Variants in USH2A observed in about 807,000 individuals in gnomAD.
USH2A encodes the protein usherin, also known as Usher syndrome 2A (autosomal recessive, mild).
A neutral mutation model predicts 538.9 loss-of-function variants in USH2A; 443 were observed. That is an observed-to-expected ratio of 0.82 (90% CI 0.76 to 0.89). The LOEUF (loss-of-function observed/expected upper bound fraction) is 0.89. Among genes scored for constraint, USH2A ranks in the 40% least tolerant of loss-of-function variants. The pLI is 0.00. For synonymous variants in USH2A, 2,413 were observed against 2,273.5 expected, an observed-to-expected ratio of 1.06 and a Z score of -1.75; for missense variants, 6,633 against 6,324.8, an observed-to-expected ratio of 1.05 and a Z score of -1.65.
At chr1:215,693,571 T>G (rs1199769857) in intron 61 of USH2A, among the ~76,000 whole-genome samples, 1 of 152,184 alleles carries the variant, frequency 6.6e-6, no homozygotes. Context: ...CCCTGTTTCT[T>G]AAAAACAACT....
chr1:215,881,204 G>T (rs564563393), intron 41 of USH2A, among the ~76,000 whole-genome samples: 1 of 152,098 alleles, frequency 6.6e-6, no homozygotes. Flanking sequence ...GCAGCGGTGC[G>T]ATTTCAGCCC....
chr1:215,789,949 A>C (rs1661933103), intron 51 of USH2A, 110 bp downstream of exon 51: 1 of 1,001,724 alleles, frequency 1.0e-6, no homozygotes, highest in Admixed American at 2.1e-5. Flanking sequence ...GTGAAAATGA[A>C]TAATGCACAC....
At position 215,814,143 on chromosome 1, in the gene USH2A, T is replaced by C. The variant is rs140268814; in HGVS notation, c.9571-239A>G. ...TGCTTTGTGCTCTATTATAATACTA[T>C]ATAATATAATATGTATTTAATTATA... On this transcript the variant is annotated intron_variant, in intron 48 of 71. Transcript: ENST00000307340. Among the ~76,000 whole-genome samples, 1,306 of 147,910 alleles carry C rather than the reference T, an allele frequency of 8.8e-3. 18 individuals are homozygous for C. Among genetic ancestry groups the C allele is most frequent in the African/African-American group, 0.03 (1,243 of 40,868 alleles).
intron 21 of USH2A, among the ~76,000 whole-genome samples, chr1:216,164,315 TA>T (rs1183538264): frequency 6.6e-6 from 1 of 152,092 alleles, no homozygotes; most frequent in African/African-American, 2.4e-5. Flanking sequence ...TCTTATTTTT[TA>T]AAAGGAAAAA....
chr1:215,956,833 C>T (rs1667080154), intron 37 of USH2A, among the ~76,000 whole-genome samples: 1 of 152,144 alleles, frequency 6.6e-6, no homozygotes. Flanking sequence ...TGCTTAACTC[C>T]ATTCTTGTGG....
At chr1:216,333,092 G>C (rs1304152347) in intron 4 of USH2A, among the ~76,000 whole-genome samples, 3 of 151,876 alleles carry the variant, frequency 2.0e-5, no homozygotes, top group African/African-American at 7.3e-5. Flanking sequence ...AGTGTCCAAA[G>C]AACTAAAGCA....
intron 32 of USH2A, among the ~76,000 whole-genome samples, chr1:216,011,892 G>C (rs1668582393): frequency 6.7e-6 from 1 of 150,024 alleles, no homozygotes. Context: ...ACCCAAGACT[G>C]TATCTCTCTG....
chr1:216,356,899 C>T (rs1571735983), intron 4 of USH2A, among the ~76,000 whole-genome samples: 1 of 152,242 alleles, frequency 6.6e-6, no homozygotes, highest in East Asian at 1.9e-4. Flanking sequence ...TTACCCCAAA[C>T]TATTTCCAAC....
intron 2 of USH2A, among the ~76,000 whole-genome samples, chr1:216,420,069 A>C (rs924469762): frequency 1.3e-5 from 2 of 152,140 alleles, no homozygotes; most frequent in African/African-American, 4.8e-5. Flanking sequence ...TCTACTGCAA[A>C]TTATATTTTT....
At chr1:216,321,665 T>C (rs1052060108) in intron 9 of USH2A, among the ~76,000 whole-genome samples, 1 of 152,208 alleles carries the variant, frequency 6.6e-6, no homozygotes, top group Non-Finnish European at 1.5e-5. Flanking sequence ...TTGGTTTCAG[T>C]TGTAATTTCT....
At chr1:215,930,837 C>T (rs1254747050) in intron 38 of USH2A, among the ~76,000 whole-genome samples, 1 of 151,968 alleles carries the variant, frequency 6.6e-6, no homozygotes, top group Non-Finnish European at 1.5e-5. Flanking sequence ...AGGAAAGTTT[C>T]ATATTTATGG....
intron 58 of USH2A, among the ~76,000 whole-genome samples, chr1:215,753,435 G>T (rs1384892185): frequency 6.6e-6 from 1 of 152,148 alleles, no homozygotes; most frequent in East Asian, 1.9e-4. Flanking sequence ...TGATAGACAG[G>T]ATTAAGAAAA....
rs565707726 is a variant in USH2A at position 215,663,340 on chromosome 1, C to T, written c.14133+7632G>A. On this transcript the variant is annotated intron_variant, in intron 64 of 71. Coordinates refer to ENST00000307340, the MANE Select transcript of USH2A (RefSeq NM_206933.4). ...AGATTTCTTAGTTCTCATAACACAC[C>T]CATTTTTTTAAATGAGAAAGGTGAA... 6.6e-5 allele frequency among the ~76,000 whole-genome samples: 10 copies of T among 152,238 alleles called. No individual in the cohort carries two copies. In the East Asian group the frequency reaches 7.7e-4, roughly 12 times the overall value.
At chr1:215,888,400 A>C in intron 41 of USH2A, 26 bp downstream of exon 41, 1 of 1,611,812 alleles carries the variant, frequency 6.2e-7, no homozygotes, top group Non-Finnish European at 8.5e-7. Flanking sequence ...AAGTCTGCAA[A>C]GGAGAGAGAA....
At chr1:215,925,183 A>G (rs1412273844) in intron 38 of USH2A, among the ~76,000 whole-genome samples, 3 of 152,266 alleles carry the variant, frequency 2.0e-5, no homozygotes, top group Middle Eastern at 6.8e-3. Context: ...CCAAAAAAGT[A>G]AAGGTAACAC....
chr1:215,875,168 C>A (rs1664724713), intron 43 of USH2A, among the ~76,000 whole-genome samples: 1 of 152,164 alleles, frequency 6.6e-6, no homozygotes. Flanking sequence ...ATTTGCAAGA[C>A]ACTCCCCCTT....
chr1:216,255,916 A>T (rs1325597204), intron 11 of USH2A, among the ~76,000 whole-genome samples: 3 of 152,178 alleles, frequency 2.0e-5, no homozygotes, highest in Non-Finnish European at 4.4e-5. Flanking sequence ...CTGTTGGTAC[A>T]GAAATATTAA....
At chr1:216,302,166 C>G (rs929908775) in intron 9 of USH2A, among the ~76,000 whole-genome samples, 1 of 152,068 alleles carries the variant, frequency 6.6e-6, no homozygotes, top group Admixed American at 6.5e-5. Flanking sequence ...ATAAAGTGCC[C>G]AACTACATAG....
At chr1:215,898,989 G>A (rs556820969) in intron 40 of USH2A, among the ~76,000 whole-genome samples, 1 of 152,190 alleles carries the variant, frequency 6.6e-6, no homozygotes, top group South Asian at 2.1e-4. Flanking sequence ...ATTACGAATT[G>A]GAAGAAATGA....
Sources: allele counts gnomAD v4.1 joint callset (sites outside exome capture counted in the v4.1 genomes callset), GRCh38; gene constraint gnomAD v4.1.1; transcripts MANE v1.5; gene names NCBI Gene and HGNC (gene_info 2026-07-23, HGNC 2026-07-21).